The following SLC25A13 variants were observed in gnomAD, a reference collection of about 807,000 sequenced individuals.
SLC25A13 encodes electrogenic aspartate/glutamate antiporter SLC25A13, mitochondrial.
A neutral mutation model predicts 85.5 loss-of-function variants in SLC25A13; 70 were observed. The observed-to-expected ratio is 0.82, with a 90% confidence interval of 0.68 to 1.00. The LOEUF (loss-of-function observed/expected upper bound fraction) is 1.00, where lower values mean the gene tolerates loss of function less well. Among genes scored for constraint, SLC25A13 ranks in the 50% least tolerant of loss-of-function variants. The probability of loss-of-function intolerance (pLI) is 0.00; values close to 1 mark genes in which losing one functional copy is unlikely to be tolerated. For synonymous variants in SLC25A13, 259 were observed against 288.7 expected, an observed-to-expected ratio of 0.90 and a Z score of 1.04; for missense variants, 765 against 819.8, an observed-to-expected ratio of 0.93 and a Z score of 0.82.
chr7:96,250,495 A>G (rs73710262), intron 3 of SLC25A13, among the ~76,000 whole-genome samples: 1,886 of 152,320 alleles, frequency 0.012, 39 homozygotes, highest in African/African-American at 0.043. Flanking sequence ...AATGGTTGGA[A>G]TCCACCAACA....
At chr7:96,128,712 C>A (rs1791838201) in intron 15 of SLC25A13, among the ~76,000 whole-genome samples, 1 of 150,502 alleles carries the variant, frequency 6.6e-6, no homozygotes, top group Non-Finnish European at 1.5e-5. Flanking sequence ...AACTATGTAA[C>A]AAACCTGCGC....
intron 13 of SLC25A13, among the ~76,000 whole-genome samples, chr7:96,161,815 C>T (rs757569798): frequency 3.9e-4 from 59 of 152,004 alleles, no homozygotes; most frequent in Non-Finnish European, 7.5e-4. Context: ...TACATTTTGG[C>T]GGAGTAGGCA....
At chr7:96,212,778 T>C (rs1795751425) in intron 4 of SLC25A13, among the ~76,000 whole-genome samples, 3 of 152,212 alleles carry the variant, frequency 2.0e-5, no homozygotes, top group African/African-American at 7.2e-5. Flanking sequence ...GATGCTATGT[T>C]TATGGTGAAG....
chr7:96,229,639 A>G, intron 4 of SLC25A13, among the ~76,000 whole-genome samples: 1 of 152,214 alleles, frequency 6.6e-6, no homozygotes, highest in Middle Eastern at 3.4e-3. Flanking sequence ...GAGGCCAGCG[A>G]CACCACGAAC....
intron 14 of SLC25A13, among the ~76,000 whole-genome samples, chr7:96,136,506 T>G (rs942076689): frequency 2.0e-5 from 3 of 152,232 alleles, no homozygotes; most frequent in Non-Finnish European, 2.9e-5. Flanking sequence ...CGCATGCTGT[T>G]GCACATGCAC....
intron 13 of SLC25A13, among the ~76,000 whole-genome samples, chr7:96,151,892 C>T (rs111236208): frequency 0.012 from 1,898 of 152,208 alleles, 22 homozygotes; most frequent in Non-Finnish European, 0.015. Flanking sequence ...TTGCAGTGAG[C>T]CAAGATTGTG....
At chr7:96,168,149 AAC>A (rs1228848994) in intron 13 of SLC25A13, among the ~76,000 whole-genome samples, 1 of 149,338 alleles carries the variant, frequency 6.7e-6, no homozygotes, top group Non-Finnish European at 1.5e-5. Flanking sequence ...CACACACACA[AAC>A]ACACACACAG....
intron 13 of SLC25A13, 38 bp from the exon 14 acceptor site, chr7:96,146,734 A>G (rs778898489): frequency 6.2e-7 from 1 of 1,612,502 alleles, no homozygotes; most frequent in Admixed American, 1.7e-5. Context: ...CAAAGCAAAG[A>G]AATGGTAAGG....
intron 10 of SLC25A13, 56 bp from the exon 11 acceptor site, chr7:96,184,491 A>T (rs1049147096): frequency 7.8e-6 from 12 of 1,546,954 alleles, no homozygotes; most frequent in African/African-American, 6.8e-5. Context: ...CAGAAGAAAG[A>T]AGAAGGTAGT....
At chr7:96,243,305 C>G (rs1317087224) in intron 3 of SLC25A13, among the ~76,000 whole-genome samples, 2 of 152,088 alleles carry the variant, frequency 1.3e-5, no homozygotes, top group Non-Finnish European at 1.5e-5. Flanking sequence ...AAATGTGTAC[C>G]CTGTTCCTAT....
At chr7:96,188,956 C>T (rs1794737069) in intron 9 of SLC25A13, among the ~76,000 whole-genome samples, 1 of 152,224 alleles carries the variant, frequency 6.6e-6, no homozygotes, top group South Asian at 2.1e-4. Context: ...CCGACAGGCA[C>T]AGTGACACCA....
chr7:96,225,014 A>G (rs1357187216), intron 4 of SLC25A13, among the ~76,000 whole-genome samples: 1 of 152,244 alleles, frequency 6.6e-6, no homozygotes, highest in Non-Finnish European at 1.5e-5. Context: ...ATAATAGTAT[A>G]GACCTTCTAG....
At chr7:96,205,712 T>G (rs1401089052) in intron 5 of SLC25A13, among the ~76,000 whole-genome samples, 1 of 152,052 alleles carries the variant, frequency 6.6e-6, no homozygotes, top group East Asian at 1.9e-4. Context: ...CAAGTTTAGC[T>G]CAAATAATAT....
At chr7:96,211,834 A>G (rs763158245) in intron 4 of SLC25A13, among the ~76,000 whole-genome samples, 4 of 152,206 alleles carry the variant, frequency 2.6e-5, no homozygotes, top group Non-Finnish European at 5.9e-5. Context: ...AACATCGTTT[A>G]TCAAAATCCC....
rs1378371465 is a variant in SLC25A13 at position 96,321,870 on chromosome 7, A to T, written c.15+72T>A. 1.5e-5 allele frequency: 22 copies of T among 1,469,340 alleles called. No individual in the cohort carries two copies. In the Admixed American group the frequency reaches 2.8e-4, roughly 19 times the overall value. 91.0% of individuals were successfully genotyped at this position (1,469,340 alleles called of 1,614,324 possible). A position where few individuals can be genotyped will look rare whatever the true frequency, so the allele number is the denominator to read the frequency against. ...CCTGTGGCACCAACCCAGACACGTGAGCGCCCGAGCCTCTCGCACCCCCAG... is the reference window on the plus strand; with the variant it reads ...CCTGTGGCACCAACCCAGACACGTGTGCGCCCGAGCCTCTCGCACCCCCAG... On this transcript the variant is annotated intron_variant, in intron 1 of 17. Transcript: ENST00000265631.
chr7:96,310,581 C>A (rs575893065), intron 1 of SLC25A13, among the ~76,000 whole-genome samples: 4 of 152,330 alleles, frequency 2.6e-5, no homozygotes, highest in Non-Finnish European at 5.9e-5. Flanking sequence ...TGCATTCAGA[C>A]AATGGGAATT....
intron 1 of SLC25A13, among the ~76,000 whole-genome samples, chr7:96,303,363 G>A (rs1291914898): frequency 1.3e-5 from 2 of 152,028 alleles, no homozygotes; most frequent in African/African-American, 4.8e-5. Context: ...GTGGGTGGGT[G>A]GGTGTAAATA....
chr7:96,267,075 T>C (rs550021113), intron 3 of SLC25A13, among the ~76,000 whole-genome samples: 4 of 152,170 alleles, frequency 2.6e-5, no homozygotes, highest in Non-Finnish European at 5.9e-5. Context: ...CATTAGCAAA[T>C]TGAAAGACCT....
chr7:96,250,060 G>A (rs1797355578), intron 3 of SLC25A13, among the ~76,000 whole-genome samples: 1 of 152,060 alleles, frequency 6.6e-6, no homozygotes, highest in African/African-American at 2.4e-5. Context: ...ACACACGCCT[G>A]TGATCCCAGC....
Sources: gnomAD v4.1 joint callset for allele counts (sites outside exome capture counted in the v4.1 genomes callset) on GRCh38, gnomAD v4.1.1 for gene constraint, MANE v1.5 for transcripts, NCBI Gene and HGNC (gene_info 2026-07-23, HGNC 2026-07-21) for gene names.